Variants in CLPB observed in about 807,000 individuals in gnomAD.
CLPB encodes the protein mitochondrial disaggregase.
Under a neutral mutation model 78.4 loss-of-function variants are expected in CLPB, and 40 were observed. The observed-to-expected ratio is 0.51, with a 90% CI of 0.40 to 0.66. The LOEUF is 0.66. CLPB is among the 30% of genes least tolerant of loss of function. The probability of loss-of-function intolerance (pLI) is 0.00; values close to 1 mark genes in which losing one functional copy is unlikely to be tolerated. For synonymous variants in CLPB, 333 were observed against 348.0 expected, an observed-to-expected ratio of 0.96 and a Z score of 0.48; for missense variants, 780 against 886.9, an observed-to-expected ratio of 0.88 and a Z score of 1.53.
intron 5 of CLPB, among the ~76,000 whole-genome samples, chr11:72,357,700 GAAA>G (rs747456359): frequency 4.6e-5 from 2 of 43,872 alleles, no homozygotes; most frequent in Non-Finnish European, 4.7e-5. Context: ...CCGTGTCCCA[GAAA>G]AAAAAAAAAA....
intron 5 of CLPB, among the ~76,000 whole-genome samples, chr11:72,341,465 G>C (rs1431521269): frequency 6.6e-6 from 1 of 152,228 alleles, no homozygotes; most frequent in Non-Finnish European, 1.5e-5. Context: ...TGGGGGAACA[G>C]AGTGAGAAGT....
At position 72,433,539 on chromosome 11, in the gene CLPB, A is replaced by T. The variant is rs1856608211; in HGVS notation, c.403+533T>A. Among the ~76,000 whole-genome samples, 3 of 140,286 alleles carry T rather than the reference A, an allele frequency of 2.1e-5. 1 individual carries two copies. In the South Asian group the frequency reaches 6.8e-4, roughly 32 times the overall value. 92.0% of individuals were successfully genotyped at this position (140,286 alleles called of 152,430 possible). Reference sequence around the variant, plus strand: ...TGGCGACAGAGCAAGACTCCATCTCAGAAATAAATAAATAAATAAATAAAT... The same window carrying T: ...TGGCGACAGAGCAAGACTCCATCTCTGAAATAAATAAATAAATAAATAAAT... On this transcript the variant is annotated intron_variant, in intron 1 of 15. Transcript: ENST00000538039.
Position 72,286,434 on chromosome 11 carries a change from G to A in CLPB, c.*6933C>T, listed in dbSNP as rs932554223. ...TTAAAAGTTGCAAAAACAATACAAA[G>A]AATTCATGTACATCATTCCCTCAGA... is the stretch of plus-strand genomic sequence containing the variant. On this transcript the variant is annotated 3_prime_UTR_variant, in exon 16 of 16. Transcript: ENST00000538039. 6.6e-6 allele frequency: 1 copy of A among 151,544 alleles called. No homozygotes were observed. Among genetic ancestry groups the A allele is most frequent in the African/African-American group, 2.4e-5 (1 of 41,204 alleles). The allele number at this position is 151,544 out of a possible 1,614,324, so 9.4% of individuals were successfully genotyped here. A position where few individuals can be genotyped will look rare whatever the true frequency, so the allele number is the denominator to read the frequency against.
At chr11:72,331,283 A>G (rs1421985854) in intron 5 of CLPB, among the ~76,000 whole-genome samples, 1 of 151,776 alleles carries the variant, frequency 6.6e-6, no homozygotes, top group African/African-American at 2.4e-5. Context: ...AGGTACCTGT[A>G]GTCCCAGCTA....
intron 4 of CLPB, among the ~76,000 whole-genome samples, chr11:72,378,458 G>T (rs974196058): frequency 5.3e-5 from 8 of 152,180 alleles, no homozygotes; most frequent in Non-Finnish European, 7.3e-5. Context: ...GAAACCCCTA[G>T]CAAACCCATC....
At chr11:72,416,335 C>T (rs934766808) in intron 2 of CLPB, among the ~76,000 whole-genome samples, 29 of 152,196 alleles carry the variant, frequency 1.9e-4, no homozygotes, top group African/African-American at 6.0e-4. Flanking sequence ...CTACAATTCT[C>T]TTACCAGACC....
intron 7 of CLPB, among the ~76,000 whole-genome samples, chr11:72,315,225 G>A (rs1285923948): frequency 1.3e-5 from 2 of 152,158 alleles, no homozygotes; most frequent in Non-Finnish European, 2.9e-5. Context: ...TCAGAACACA[G>A]GAGATGAGCA....
At chr11:72,302,218 T>G (rs988427897) in intron 10 of CLPB, 86 bp downstream of exon 10, 2 of 1,390,502 alleles carry the variant, frequency 1.4e-6, no homozygotes, top group African/African-American at 2.8e-5. Context: ...CTGCTGGAAT[T>G]ATCTGAGGCC....
At chr11:72,367,358 T>G (rs1255058701) in intron 4 of CLPB, among the ~76,000 whole-genome samples, 1 of 152,186 alleles carries the variant, frequency 6.6e-6, no homozygotes, top group African/African-American at 2.4e-5. Context: ...GAGTTGGGGT[T>G]TCGCCATGTT....
At chr11:72,325,239 C>T (rs1950111857) in intron 6 of CLPB, among the ~76,000 whole-genome samples, 1 of 152,202 alleles carries the variant, frequency 6.6e-6, no homozygotes, top group African/African-American at 2.4e-5. Flanking sequence ...AAGTATTAAA[C>T]TCTCCATCTA....
intron 3 of CLPB, among the ~76,000 whole-genome samples, chr11:72,392,744 C>T (rs770644503): frequency 1.3e-4 from 20 of 152,108 alleles, no homozygotes; most frequent in African/African-American, 2.4e-4. Context: ...AACTAAGGCT[C>T]GGCAAGATAA....
intron 5 of CLPB, among the ~76,000 whole-genome samples, chr11:72,330,550 A>G (rs917972228): frequency 2.6e-5 from 4 of 152,248 alleles, no homozygotes; most frequent in Non-Finnish European, 4.4e-5. Flanking sequence ...CTTGGCAGTT[A>G]TGGAGGAAAG....
intron 7 of CLPB, among the ~76,000 whole-genome samples, chr11:72,310,294 C>G (rs1302609600): frequency 6.6e-6 from 1 of 152,164 alleles, no homozygotes; most frequent in African/African-American, 2.4e-5. Context: ...TCTGCCTGCC[C>G]AGAAAATGCT....
At chr11:72,364,030 CA>C (rs1258851648) in intron 4 of CLPB, among the ~76,000 whole-genome samples, 2 of 152,172 alleles carry the variant, frequency 1.3e-5, no homozygotes, top group Non-Finnish European at 2.9e-5. Flanking sequence ...ATGGCATCTA[CA>C]ATGTGTGTGT....
At chr11:72,307,135 T>C (rs1392884180) in intron 9 of CLPB, 64 bp downstream of exon 9, 6 of 1,456,204 alleles carry the variant, frequency 4.1e-6, no homozygotes, top group Non-Finnish European at 5.8e-6. Flanking sequence ...GTCAGATTTT[T>C]TGGGATAGCA....
At chr11:72,388,709 A>G (rs1455644552) in intron 3 of CLPB, among the ~76,000 whole-genome samples, 11 of 152,214 alleles carry the variant, frequency 7.2e-5, no homozygotes, top group Non-Finnish European at 1.2e-4. Flanking sequence ...GTACTTATAA[A>G]GTATCTAACC....
intron 6 of CLPB, among the ~76,000 whole-genome samples, chr11:72,324,750 G>T (rs1023884591): frequency 3.3e-5 from 5 of 152,092 alleles, no homozygotes; most frequent in African/African-American, 4.8e-5. Context: ...GTTGAGTGAG[G>T]CCAAGGGGAG....
Position 72,317,210 on chromosome 11 carries a change from T to C in CLPB, c.884A>G (p.Lys295Arg). 3 of 1,610,332 alleles carry C rather than the reference T, an allele frequency of 1.9e-6. No individual in the cohort carries two copies. In the South Asian group the frequency reaches 3.3e-5, roughly 18 times the overall value. Reference protein sequence around the residue: ...LRTSEAKYQEKQRKREAEERR... With the variant: ...LRTSEAKYQERQRKREAEERR... ...CTCCTCAGCCTCACGCTTCCGCTGC[T>C]TCTCTTGGTACTGTGGGGAGAGAGG... The change falls in exon 7 of 16, where the codon AAG (lysine) becomes AGG (arginine). Residue 295 changes from lysine to arginine, a missense_variant. Physicochemically the swap from Lys to Arg is conservative, Grantham distance 26. Coordinates refer to ENST00000538039, the MANE Select transcript of CLPB (RefSeq NM_001258392.3).
intron 3 of CLPB, among the ~76,000 whole-genome samples, chr11:72,396,703 T>C (rs557765430): frequency 8.3e-4 from 126 of 152,332 alleles, no homozygotes; most frequent in African/African-American, 3.0e-3. Flanking sequence ...ATAGTATGAA[T>C]TGACAAATCT....
Sources: allele counts gnomAD v4.1 joint callset (sites outside exome capture counted in the v4.1 genomes callset), GRCh38; gene constraint gnomAD v4.1.1; transcripts MANE v1.5; gene names NCBI Gene and HGNC (gene_info 2026-07-23, HGNC 2026-07-21).